SFSWAP: variants seen among roughly 807,000 people sequenced by gnomAD.
The protein encoded by SFSWAP is splicing factor, suppressor of white-apricot homolog.
SFSWAP carries 17 observed loss-of-function variants against 100.7 expected under a neutral mutation model. The ratio of observed to expected loss-of-function variants is 0.17; its 90% CI spans 0.12 to 0.25. The LOEUF (loss-of-function observed/expected upper bound fraction) is 0.25, where lower values mean the gene tolerates loss of function less well. SFSWAP is among the 10% of genes least tolerant of loss of function. The pLI is 1.00. For missense variants in SFSWAP, 1,005 were observed against 1,262.6 expected (o/e 0.80, Z 3.09); for synonymous variants, 504 against 510.1 (o/e 0.99, Z 0.16).
intron 16 of SFSWAP, 107 bp from the exon 17 acceptor site, chr12:131,798,930 A>C: frequency 1.3e-6 from 1 of 752,622 alleles, no homozygotes; most frequent in Non-Finnish European, 2.4e-6. Flanking sequence ...TGCAGTGGGC[A>C]CTTCTCAGTT....
At chr12:131,789,126 A>G (rs1885085679) in intron 15 of SFSWAP, among the ~76,000 whole-genome samples, 1 of 152,130 alleles carries the variant, frequency 6.6e-6, no homozygotes, top group Non-Finnish European at 1.5e-5. Flanking sequence ...GACTACAGGC[A>G]CATGGAACCA....
rs748904111 is a variant in SFSWAP, at chr12:131,711,314, G to T, written c.85G>T (p.Gly29Trp). 1 of 1,613,536 alleles carries T rather than the reference G, an allele frequency of 6.2e-7. No homozygotes were observed. Among genetic ancestry groups the T allele is most frequent in the Non-Finnish European group, 8.5e-7 (1 of 1,179,822 alleles). The part of the protein sequence containing the change: ...EEAGPGGAGG[G>W]GSRVELLVFG... ...GGCCGGGCCAGGCGGTGCCGGCGGT[G>T]GGGGCAGCCGAGTGGAGCTCTTGGT... is the stretch of plus-strand genomic sequence containing the variant. Residue 29 changes from glycine to tryptophan, a missense_variant, in exon 1 of 18, where the codon GGG becomes TGG. Transcript: ENST00000261674. The surrounding 1 kb of genome is among the most constrained non-coding windows in gnomAD (Gnocchi z 4.9).
At position 131,799,431 on chromosome 12, in the gene SFSWAP, G is replaced by C; in HGVS notation, c.2799G>C (p.Met933Ile). The C allele has an allele frequency of 6.2e-7, 1 of 1,614,140 alleles. No homozygotes were observed. The highest frequency in any genetic ancestry group is 8.5e-7 in the Non-Finnish European group (1 of 1,179,994). ...TGTCTCGCCCTGCACAGGATCTCAT[G>C]GCCAAAGTCAGAGCGATGCTTGCAG... ...SVQSKITQDLMAKVRAMLAAS... is the reference protein window; with the variant it reads ...SVQSKITQDLIAKVRAMLAAS... Residue 933 changes from methionine to isoleucine, a missense_variant, in exon 18 of 18, where the codon ATG becomes ATC. This residue lies in a region of SFSWAP where 295 missense variants were observed against 347.9 expected (regional missense o/e 0.85). Coordinates refer to ENST00000261674, the MANE Select transcript of SFSWAP (RefSeq NM_004592.4).
chr12:131,796,017 AGAG>A (rs1566064740), intron 15 of SFSWAP: 1 of 5,260 alleles, frequency 1.9e-4, no homozygotes. Flanking sequence ...AGGGGAGGGG[AGAG>A]GGGGAGGGGA....
At chr12:131,774,330 G>A (rs962140065) in intron 13 of SFSWAP, among the ~76,000 whole-genome samples, 6 of 152,144 alleles carry the variant, frequency 3.9e-5, no homozygotes, top group African/African-American at 7.2e-5. Context: ...GCTTTTGAGC[G>A]GTTTGTTTTG....
chr12:131,786,327 C>T, intron 14 of SFSWAP, 136 bp from the exon 15 acceptor site: 6 of 1,046,302 alleles, frequency 5.7e-6, no homozygotes, highest in Non-Finnish European at 7.9e-6. Context: ...TTCTCTGAAG[C>T]CTCAGGGTCT....
chr12:131,734,602 T>A lies in SFSWAP; in HGVS notation c.1081+6174T>A, dbSNP rs983472893. The stretch of plus-strand genomic sequence containing the variant: ...ACCCGGAGCTCTGTGAGGCAAAGGC[T>A]GGGACTGTCTTACTAGCCAGCGTGC... On this transcript the variant is annotated intron_variant, in intron 7 of 17. Transcript: ENST00000261674. This position sits in a 1 kb window ranked among gnomAD's most constrained non-coding sequence, Gnocchi z 4.9. Among the ~76,000 whole-genome samples, 3 of 152,218 alleles carry A rather than the reference T, an allele frequency of 2.0e-5. No individual in the cohort carries two copies. Among genetic ancestry groups the A allele is most frequent in the African/African-American group, 7.2e-5 (3 of 41,454 alleles).
chr12:131,723,764 A>T (rs1036267070), intron 4 of SFSWAP, among the ~76,000 whole-genome samples: 2 of 152,152 alleles, frequency 1.3e-5, no homozygotes, highest in African/African-American at 2.4e-5. Flanking sequence ...CCTGTTTCCC[A>T]TGCCTCCTCT....
At chr12:131,776,853 G>A (rs1206339606) in intron 13 of SFSWAP, among the ~76,000 whole-genome samples, 2 of 152,240 alleles carry the variant, frequency 1.3e-5, no homozygotes, top group African/African-American at 2.4e-5. Flanking sequence ...TGAGCTTTCT[G>A]GGTAAAGAGG....
intron 7 of SFSWAP, among the ~76,000 whole-genome samples, chr12:131,745,072 CA>C (rs1201241803): frequency 6.6e-6 from 1 of 152,202 alleles, no homozygotes; most frequent in Non-Finnish European, 1.5e-5. Context: ...GGGACACAGC[CA>C]AACCATACCA....
intron 5 of SFSWAP, among the ~76,000 whole-genome samples, chr12:131,726,636 A>G (rs1879005276): frequency 6.6e-6 from 1 of 152,130 alleles, no homozygotes; most frequent in Non-Finnish European, 1.5e-5. Flanking sequence ...TGCTTTTCAT[A>G]AATCAGTACA....
intron 8 of SFSWAP, 59 bp from the exon 9 acceptor site, chr12:131,754,309 C>T (rs891748181): frequency 1.4e-6 from 2 of 1,419,768 alleles, no homozygotes; most frequent in Non-Finnish European, 1.9e-6. Flanking sequence ...CCCGAGCAGC[C>T]AGGACTGAGC....
At chr12:131,756,218 G>C (rs147421935) in intron 10 of SFSWAP, among the ~76,000 whole-genome samples, 80 of 152,316 alleles carry the variant, frequency 5.3e-4, no homozygotes, top group African/African-American at 1.8e-3. Context: ...ACTGAAAATT[G>C]GTTCCCAAGG....
intron 13 of SFSWAP, among the ~76,000 whole-genome samples, chr12:131,772,538 C>T (rs927614014): frequency 1.3e-5 from 2 of 152,238 alleles, no homozygotes; most frequent in Non-Finnish European, 2.9e-5. Context: ...CACTCAATCC[C>T]TTACGGGAGG....
At chr12:131,785,468 A>G (rs1190368703) in intron 14 of SFSWAP, 5 of 416,564 alleles carry the variant, frequency 1.2e-5, no homozygotes, top group Non-Finnish European at 2.1e-5. Flanking sequence ...TCTTCTTTAT[A>G]TTGTTTTTGA....
chr12:131,768,515 C>T (rs148900578), intron 13 of SFSWAP, among the ~76,000 whole-genome samples: 4 of 152,232 alleles, frequency 2.6e-5, no homozygotes, highest in South Asian at 2.1e-4. Flanking sequence ...TAATAACTGA[C>T]GGGCAAGGAG....
chr12:131,714,935 G>C lies in SFSWAP; in HGVS notation c.502G>C (p.Glu168Gln). ...YDPSEPTEEE[E>Q]PSKQREKNEA... Reference sequence around the variant, plus strand: ...CCCGTCAGAGCCGACGGAGGAGGAGGAGCCTTCCAAACAGAGAGGTGAGTG... The same window carrying C: ...CCCGTCAGAGCCGACGGAGGAGGAGCAGCCTTCCAAACAGAGAGGTGAGTG... Residue 168 changes from glutamate to glutamine, a missense_variant, in exon 3 of 18, where the codon GAG becomes CAG. Around this residue, in one of 7 missense-constraint regions of SFSWAP, gnomAD observed 237 missense variants for 337.0 expected, o/e 0.70. Transcript: ENST00000261674. This position sits in a 1 kb window ranked among gnomAD's most constrained non-coding sequence, Gnocchi z 6.0. 1 of 1,614,086 alleles carries C rather than the reference G, an allele frequency of 6.2e-7. No individual in the cohort carries two copies. Among genetic ancestry groups the C allele is most frequent in the Non-Finnish European group, 8.5e-7 (1 of 1,180,028 alleles).
At chr12:131,787,350 G>C (rs1593190699) in intron 15 of SFSWAP, among the ~76,000 whole-genome samples, 1 of 152,316 alleles carries the variant, frequency 6.6e-6, no homozygotes, top group East Asian at 1.9e-4. Flanking sequence ...TGCCGCCAGT[G>C]AGCACTACCC....
chr12:131,738,948 C>T (rs115511875), intron 7 of SFSWAP, among the ~76,000 whole-genome samples: 154 of 117,134 alleles, frequency 1.3e-3, no homozygotes, highest in African/African-American at 4.3e-3. Context: ...GGCTGGAGTC[C>T]AGTAGCGTGA....
Sources: gnomAD v4.1 joint callset for allele counts (sites outside exome capture counted in the v4.1 genomes callset) on GRCh38, gnomAD v4.1.1 for gene constraint, gnomAD v4.1.1 regional missense constraint, Gnocchi (gnomAD v3.1) non-coding constraint, MANE v1.5 for transcripts, NCBI Gene and HGNC (gene_info 2026-07-23, HGNC 2026-07-21) for gene names.